The following ROR1 variants were observed in gnomAD, a reference collection of about 807,000 sequenced individuals.
ROR1 encodes the protein ROR family WNT receptor 1.
A neutral mutation model predicts 78.8 loss-of-function variants in ROR1; 19 were observed. That is an observed-to-expected ratio of 0.24 (90% CI 0.17 to 0.35). ROR1 has a LOEUF of 0.35. Among genes scored for constraint, ROR1 ranks in the 10% least tolerant of loss-of-function variants. The pLI, the probability that ROR1 is intolerant of heterozygous loss-of-function variation, is 1.00. For missense variants in ROR1, 917 were observed against 1,177.8 expected (o/e 0.78, Z 3.24); for synonymous variants, 386 against 433.6 (o/e 0.89, Z 1.36).
intron 7 of ROR1, among the ~76,000 whole-genome samples, chr1:64,148,332 T>A (rs923648959): frequency 6.6e-6 from 1 of 152,164 alleles, no homozygotes; most frequent in Non-Finnish European, 1.5e-5. Context: ...ATGTTGTGTA[T>A]GTGTTTTTGT....
chr1:63,807,795 T>G (rs935741692), intron 1 of ROR1, among the ~76,000 whole-genome samples: 2 of 152,114 alleles, frequency 1.3e-5, no homozygotes, highest in African/African-American at 4.8e-5. Context: ...CATCAGTATT[T>G]GGTAAATAGA....
At chr1:63,970,832 A>G (rs887125079) in intron 1 of ROR1, among the ~76,000 whole-genome samples, 1 of 152,232 alleles carries the variant, frequency 6.6e-6, no homozygotes, top group Non-Finnish European at 1.5e-5. Flanking sequence ...TTAAGCAACC[A>G]GCTTCAGGGC....
At chr1:64,094,826 A>G (rs1191234933) in intron 4 of ROR1, 1 of 152,222 alleles carries the variant, frequency 6.6e-6, no homozygotes, top group African/African-American at 2.4e-5. Flanking sequence ...CTGGCCTCAA[A>G]TGATCCACTC....
rs926336611 is a variant in ROR1, at chr1:63,774,919, G to A, written c.91+411G>A. Among the ~76,000 whole-genome samples the A allele has an allele frequency of 3.3e-5, 5 of 152,252 alleles. No homozygotes were observed. The highest frequency in any genetic ancestry group is 6.8e-3 in the Middle Eastern group (2 of 294). ...CTGCCCCCAAGTTGCGAGCCGGCCC[G>A]GAAGGCGCGGTCCAGGAGGGAGTTT... On this transcript the variant is annotated intron_variant, in intron 1 of 8. Coordinates refer to ENST00000371079, the MANE Select transcript of ROR1 (RefSeq NM_005012.4). This position sits in a 1 kb window ranked among gnomAD's most constrained non-coding sequence, Gnocchi z 5.7.
chr1:64,130,305 T>C (rs1648867805), intron 4 of ROR1, among the ~76,000 whole-genome samples: 1 of 152,194 alleles, frequency 6.6e-6, no homozygotes. Context: ...AAAACTGACC[T>C]TAAAGGTCAA....
chr1:63,886,448 C>T (rs1457700537), intron 1 of ROR1, among the ~76,000 whole-genome samples: 1 of 152,144 alleles, frequency 6.6e-6, no homozygotes, highest in Non-Finnish European at 1.5e-5. Flanking sequence ...GGATATTATA[C>T]ACATGGTTTT....
At chr1:63,976,677 T>TC (rs1357734147) in intron 1 of ROR1, among the ~76,000 whole-genome samples, 2 of 152,174 alleles carry the variant, frequency 1.3e-5, no homozygotes, top group African/African-American at 4.8e-5. Context: ...AGTCACTTGG[T>TC]CATATTGCTC....
chr1:63,916,314 A>G (rs1645609490), intron 1 of ROR1, among the ~76,000 whole-genome samples: 1 of 152,212 alleles, frequency 6.6e-6, no homozygotes, highest in Non-Finnish European at 1.5e-5. Context: ...GGGCTCATCA[A>G]GGTGGAAAAC....
chr1:63,879,748 C>G (rs1485748816), intron 1 of ROR1, among the ~76,000 whole-genome samples: 2 of 152,140 alleles, frequency 1.3e-5, no homozygotes, highest in African/African-American at 4.8e-5. Flanking sequence ...TCCCTCAAAA[C>G]AGACCTGAGT....
At chr1:63,968,947 T>C (rs1413936681) in intron 1 of ROR1, among the ~76,000 whole-genome samples, 4 of 152,212 alleles carry the variant, frequency 2.6e-5, no homozygotes, top group Non-Finnish European at 4.4e-5. Flanking sequence ...TGTTTTGTGA[T>C]GGAGAGCATT....
intron 1 of ROR1, among the ~76,000 whole-genome samples, chr1:63,850,380 C>T (rs1029656252): frequency 1.3e-5 from 2 of 152,180 alleles, no homozygotes; most frequent in African/African-American, 4.8e-5. Flanking sequence ...TTTTTCTAGG[C>T]CAAATACCTA....
intron 3 of ROR1, among the ~76,000 whole-genome samples, chr1:64,050,191 G>C (rs1387339332): frequency 6.6e-6 from 1 of 152,232 alleles, no homozygotes; most frequent in Non-Finnish European, 1.5e-5. Flanking sequence ...GTAAACAGCA[G>C]AGCAGGAATG....
chr1:63,970,790 T>G (rs921325409), intron 1 of ROR1, among the ~76,000 whole-genome samples: 2 of 152,298 alleles, frequency 1.3e-5, no homozygotes, highest in East Asian at 1.9e-4. Context: ...TTATTTCCAT[T>G]GTACAGATGA....
intron 4 of ROR1, among the ~76,000 whole-genome samples, chr1:64,107,258 A>G (rs1419564018): frequency 3.9e-5 from 6 of 152,198 alleles, no homozygotes; most frequent in Admixed American, 2.6e-4. Flanking sequence ...GAGGTTGTGT[A>G]ATTTACTTGA....
intron 4 of ROR1, among the ~76,000 whole-genome samples, chr1:64,091,360 TG>T (rs1489130163): frequency 6.6e-6 from 1 of 152,132 alleles, no homozygotes; most frequent in Non-Finnish European, 1.5e-5. Flanking sequence ...AAACAGCTGA[TG>T]AAATACTGTA....
intron 2 of ROR1, among the ~76,000 whole-genome samples, chr1:64,046,472 CT>C (rs1646786383): frequency 6.6e-6 from 1 of 152,226 alleles, no homozygotes; most frequent in South Asian, 2.1e-4. Flanking sequence ...GGGTCATCTA[CT>C]ACACTGATTT....
At chr1:63,918,201 A>G (rs1000365896) in intron 1 of ROR1, among the ~76,000 whole-genome samples, 2 of 152,248 alleles carry the variant, frequency 1.3e-5, no homozygotes, top group African/African-American at 2.4e-5. Flanking sequence ...GAGATTCACC[A>G]TGTTGTACTT....
At chr1:63,902,585 A>G (rs1187083009) in intron 1 of ROR1, among the ~76,000 whole-genome samples, 4 of 151,962 alleles carry the variant, frequency 2.6e-5, no homozygotes, top group Non-Finnish European at 4.4e-5. Context: ...CAGCCCCCCA[A>G]AGTGCTGAGA....
At chr1:64,112,646 ACT>A (rs1208450840) in intron 4 of ROR1, among the ~76,000 whole-genome samples, 1 of 151,450 alleles carries the variant, frequency 6.6e-6, no homozygotes, top group Non-Finnish European at 1.5e-5. Flanking sequence ...CCTCTTTGAG[ACT>A]CTTTTTAGTG....
Sources: allele counts gnomAD v4.1 joint callset (sites outside exome capture counted in the v4.1 genomes callset), GRCh38; gene constraint gnomAD v4.1.1; non-coding constraint Gnocchi (gnomAD v3.1); transcripts MANE v1.5; gene names NCBI Gene and HGNC (gene_info 2026-07-23, HGNC 2026-07-21).